The following DPP10 variants were observed in gnomAD, a reference collection of about 807,000 sequenced individuals.
DPP10 encodes dipeptidyl peptidase like 10, also known as inactive dipeptidyl peptidase 10.
DPP10 carries 33 observed loss-of-function variants against 120.9 expected under a neutral mutation model. The observed-to-expected ratio is 0.27, with a 90% CI of 0.21 to 0.37. DPP10 has a LOEUF of 0.37. Ranked by LOEUF, DPP10 falls within the 10% of genes least tolerant of loss-of-function variation. The pLI is 1.00. For synonymous variants in DPP10, 337 were observed against 326.1 expected (o/e 1.03, Z -0.36); for missense variants, 816 against 942.8 (o/e 0.87, Z 1.76).
intron 17 of DPP10, among the ~76,000 whole-genome samples, chr2:115,788,975 G>A (rs963785212): frequency 5.9e-5 from 9 of 151,970 alleles, no homozygotes; most frequent in South Asian, 2.1e-4. Flanking sequence ...AAAATTAGCC[G>A]GGTGTGGTGG....
intron 7 of DPP10, among the ~76,000 whole-genome samples, chr2:115,720,158 A>G (rs2092609450): frequency 6.6e-6 from 1 of 152,206 alleles, no homozygotes; most frequent in Non-Finnish European, 1.5e-5. Context: ...CCAGCAGTGC[A>G]CGAGGGTTCC....
intron 1 of DPP10, among the ~76,000 whole-genome samples, chr2:114,739,009 C>T (rs1677754013): frequency 6.6e-6 from 1 of 152,122 alleles, no homozygotes; most frequent in African/African-American, 2.4e-5. Context: ...ATAGAGTTTC[C>T]CTTCAACTCA....
intron 1 of DPP10, among the ~76,000 whole-genome samples, chr2:114,993,680 C>G (rs1287542738): frequency 6.7e-6 from 1 of 149,426 alleles, no homozygotes; most frequent in African/African-American, 2.5e-5. Context: ...ATAAAATTTA[C>G]AGAGCGTGCA....
chr2:114,740,483 T>C (rs1282851258), intron 1 of DPP10, among the ~76,000 whole-genome samples: 1 of 147,068 alleles, frequency 6.8e-6, no homozygotes, highest in Non-Finnish European at 1.5e-5. Context: ...ATTGTGCACA[T>C]GTACCCTAAA....
rs547320389 is a variant in DPP10, at chr2:115,646,440, G to A, written c.442-43247G>A. ...TCTATAATTACTTTAACAAAATTAA[G>A]AGATAAGGCAACAAAGATCTAATAC... On this transcript the variant is annotated intron_variant, in intron 5 of 25. Transcript: ENST00000410059. 3.3e-5 allele frequency among the ~76,000 whole-genome samples: 5 copies of A among 152,250 alleles called. No individual in the cohort carries two copies. The South Asian group carries it at 1.0e-3, about 32-fold the overall frequency.
intron 5 of DPP10, among the ~76,000 whole-genome samples, chr2:115,682,530 T>G (rs951946588): frequency 2.6e-5 from 4 of 151,946 alleles, no homozygotes; most frequent in African/African-American, 9.7e-5. Context: ...TATAATATAA[T>G]AAGCTTATTT....
intron 1 of DPP10, among the ~76,000 whole-genome samples, chr2:114,911,500 C>A (rs1329502114): frequency 6.6e-6 from 1 of 152,100 alleles, no homozygotes. Flanking sequence ...TTCATCATTG[C>A]AAGGTTCATA....
intron 1 of DPP10, among the ~76,000 whole-genome samples, chr2:114,774,820 G>A (rs888068825): frequency 5.3e-5 from 8 of 151,724 alleles, no homozygotes; most frequent in Non-Finnish European, 1.0e-4. Flanking sequence ...AGTGAAGCAT[G>A]AAATTCAGTT....
intron 5 of DPP10, among the ~76,000 whole-genome samples, chr2:115,574,873 T>C (rs1484860903): frequency 6.6e-6 from 1 of 152,218 alleles, no homozygotes; most frequent in Admixed American, 6.5e-5. Flanking sequence ...GCGGCTTGTT[T>C]ACCTGCTGTG....
chr2:115,557,807 C>T (rs1205248879), intron 5 of DPP10, among the ~76,000 whole-genome samples: 1 of 152,034 alleles, frequency 6.6e-6, no homozygotes, highest in Non-Finnish European at 1.5e-5. Context: ...TGCAGAGGCT[C>T]CTACCTAGGA....
At chr2:114,826,694 C>A (rs1686572887) in intron 1 of DPP10, among the ~76,000 whole-genome samples, 2 of 152,232 alleles carry the variant, frequency 1.3e-5, no homozygotes, top group Admixed American at 6.5e-5. Context: ...CCATGCCTGG[C>A]TAATTTTTGT....
At chr2:115,706,320 CTT>C (rs1376333046) in intron 7 of DPP10, among the ~76,000 whole-genome samples, 1 of 151,832 alleles carries the variant, frequency 6.6e-6, no homozygotes, top group African/African-American at 2.4e-5. Flanking sequence ...TTTGTAATGA[CTT>C]TATCTTTTTT....
rs13408383 is a variant in DPP10, at chr2:114,929,899, A to G, written c.61-379340A>G. On this transcript the variant is annotated intron_variant, in intron 1 of 25. Transcript: ENST00000410059. ...ACGACAGGCATAAGAAATTATAAAA[A>G]TATTAATTTGGGGAACTAATAAATG... 3.2e-3 allele frequency among the ~76,000 whole-genome samples: 485 copies of G among 152,352 alleles called. 1 individual carries two copies. The highest frequency in any genetic ancestry group is 0.011 in the African/African-American group (474 of 41,584).
intron 1 of DPP10, among the ~76,000 whole-genome samples, chr2:114,448,951 A>G (rs1330588655): frequency 6.6e-6 from 1 of 152,196 alleles, no homozygotes; most frequent in Non-Finnish European, 1.5e-5. Flanking sequence ...GGTGTTACTC[A>G]ACATGTAAGC....
intron 1 of DPP10, among the ~76,000 whole-genome samples, chr2:115,001,072 T>A (rs1166184960): frequency 1.3e-5 from 2 of 152,188 alleles, no homozygotes; most frequent in African/African-American, 4.8e-5. Context: ...ATTAACTTGT[T>A]TTACTCTACC....
intron 8 of DPP10, among the ~76,000 whole-genome samples, chr2:115,738,164 A>T (rs183149964): frequency 6.6e-6 from 1 of 152,286 alleles, no homozygotes; most frequent in Admixed American, 6.5e-5. Flanking sequence ...TTACCCTAAA[A>T]GAGCAAATGG....
At chr2:114,544,947 G>T (rs940927727) in intron 1 of DPP10, among the ~76,000 whole-genome samples, 3 of 151,986 alleles carry the variant, frequency 2.0e-5, no homozygotes, top group Admixed American at 2.0e-4. Context: ...CGCCTTCTGG[G>T]TTCAAGAGAT....
chr2:114,489,792 T>C (rs1681829169), intron 1 of DPP10, among the ~76,000 whole-genome samples: 1 of 152,144 alleles, frequency 6.6e-6, no homozygotes, highest in Non-Finnish European at 1.5e-5. Flanking sequence ...GTAAAATACA[T>C]AAGCCTAGGG....
At chr2:114,791,186 A>T (rs6542223) in intron 1 of DPP10, among the ~76,000 whole-genome samples, 84,684 of 151,870 alleles carry the variant, frequency 0.56, 23,968 homozygotes, top group East Asian at 0.86. Context: ...CTGGGACTTA[A>T]TTTCTCCATT....
Sources: allele counts gnomAD v4.1 joint callset (sites outside exome capture counted in the v4.1 genomes callset), GRCh38; gene constraint gnomAD v4.1.1; transcripts MANE v1.5; gene names NCBI Gene and HGNC (gene_info 2026-07-23, HGNC 2026-07-21).